BZW2: variants seen among roughly 807,000 people sequenced by gnomAD.
BZW2 encodes the protein basic leucine zipper and W2 domains 2.
BZW2 carries 23 observed loss-of-function variants against 53.2 expected under a neutral mutation model. The observed-to-expected ratio is 0.43, with a 90% CI of 0.31 to 0.61. The LOEUF is 0.61. Ranked by LOEUF, BZW2 falls within the 20% of genes least tolerant of loss-of-function variation. BZW2 has a pLI of 0.09. For synonymous variants in BZW2, 227 were observed against 186.4 expected (o/e 1.22, Z -1.77); for missense variants, 409 against 503.1 (o/e 0.81, Z 1.79).
intron 3 of BZW2, among the ~76,000 whole-genome samples, chr7:16,679,907 A>G (rs1437157398): frequency 6.6e-6 from 1 of 152,194 alleles, no homozygotes; most frequent in African/African-American, 2.4e-5. Flanking sequence ...CTTCTAATCA[A>G]CTAATGCTTC....
At chr7:16,677,715 A>G (rs567770597) in intron 3 of BZW2, among the ~76,000 whole-genome samples, 88 of 152,228 alleles carry the variant, frequency 5.8e-4, no homozygotes, top group African/African-American at 1.9e-3. Context: ...AGTGCAGGGG[A>G]TTATTTCTTT....
At chr7:16,656,249 T>C (rs1447623873) in intron 1 of BZW2, among the ~76,000 whole-genome samples, 2 of 152,088 alleles carry the variant, frequency 1.3e-5, no homozygotes, top group South Asian at 2.1e-4. Flanking sequence ...TCAACCTTTG[T>C]TTTGGAAAGA....
chr7:16,702,792 A>G (rs1783710134), intron 10 of BZW2, among the ~76,000 whole-genome samples: 1 of 152,188 alleles, frequency 6.6e-6, no homozygotes, highest in East Asian at 1.9e-4. Context: ...TGTTTGTCAC[A>G]GTTTAAAATT....
intron 3 of BZW2, among the ~76,000 whole-genome samples, chr7:16,677,923 G>A (rs1782816094): frequency 6.6e-6 from 1 of 151,972 alleles, no homozygotes; most frequent in Non-Finnish European, 1.5e-5. Flanking sequence ...AGAACATAGG[G>A]CCAAACGTTT....
intron 5 of BZW2, among the ~76,000 whole-genome samples, chr7:16,685,636 A>T (rs977973359): frequency 6.6e-6 from 1 of 152,056 alleles, no homozygotes; most frequent in Non-Finnish European, 1.5e-5. Flanking sequence ...ATATCATCCA[A>T]ATATCTCTTT....
chr7:16,660,036 C>G (rs706026), intron 1 of BZW2, among the ~76,000 whole-genome samples: 1 of 148,994 alleles, frequency 6.7e-6, no homozygotes, highest in African/African-American at 2.5e-5. Context: ...CCTGTGTCCA[C>G]GTGTTCTCAT....
chr7:16,646,186 T>C lies in BZW2; in HGVS notation c.-110T>C. On this transcript the variant is annotated 5_prime_UTR_variant, in exon 1 of 12. Transcript: ENST00000258761. Reference sequence around the variant, plus strand: ...TGTCAATGTGTCTGTCCTTCACTCCTCCATTGTCTGCCGCCACTGCTGCTG... The same window carrying C: ...TGTCAATGTGTCTGTCCTTCACTCCCCCATTGTCTGCCGCCACTGCTGCTG... 1 of 333,292 alleles carries C rather than the reference T, an allele frequency of 3.0e-6. No individual in the cohort carries two copies. 20.6% of individuals were successfully genotyped at this position (333,292 alleles called of 1,614,324 possible).
At chr7:16,671,487 C>T (rs1782597301) in intron 2 of BZW2, among the ~76,000 whole-genome samples, 1 of 152,134 alleles carries the variant, frequency 6.6e-6, no homozygotes, top group African/African-American at 2.4e-5. Flanking sequence ...CTTGAAATGT[C>T]CTTTCACCAT....
At chr7:16,667,798 C>A (rs749977141) in intron 2 of BZW2, among the ~76,000 whole-genome samples, 1 of 152,080 alleles carries the variant, frequency 6.6e-6, no homozygotes, top group Non-Finnish European at 1.5e-5. Flanking sequence ...CATTTCTGGC[C>A]TATCCGCATG....
chr7:16,684,305 A>C (rs10272712), intron 5 of BZW2, among the ~76,000 whole-genome samples: 30,589 of 152,140 alleles, frequency 0.2, 3,231 homozygotes, highest in East Asian at 0.38. Flanking sequence ...GGAGATGGAG[A>C]CTGTTGTAGG....
chr7:16,701,557 A>C (rs1295940315), intron 10 of BZW2, among the ~76,000 whole-genome samples: 1 of 152,174 alleles, frequency 6.6e-6, no homozygotes, highest in African/African-American at 2.4e-5. Context: ...GAATTTCAAG[A>C]GTTTCAAGTG....
rs4145343 is a variant in BZW2 at position 16,646,245 on chromosome 7, C to T, written c.-51C>T. 165,458 of 320,792 alleles carry T rather than the reference C, an allele frequency of 0.52. 43,674 individuals are homozygous for T. The highest frequency in any genetic ancestry group is 0.57 in the African/African-American group (25,731 of 44,882). The allele number at this position is 320,792 out of a possible 1,614,324, so 19.9% of individuals were successfully genotyped here. ...GCTGCCGCTGCTGCTGCACGAATCG[C>T]CGCAGCCCCCAGCCTTGCGCGTCGT... On this transcript the variant is annotated 5_prime_UTR_variant, in exon 1 of 12. Coordinates refer to ENST00000258761, the MANE Select transcript of BZW2 (RefSeq NM_014038.3).
At position 16,646,550 on chromosome 7, in the gene BZW2, C is replaced by G. The variant is rs1722185; in HGVS notation, c.-8+262C>G. ...GACCCTGGGACCGCGGGCGGGCGGG[C>G]GGGGGCCAGCCACGCGGTGGGAAGT... On this transcript the variant is annotated intron_variant, in intron 1 of 11. Coordinates refer to ENST00000258761, the MANE Select transcript of BZW2 (RefSeq NM_014038.3). 2.8e-5 allele frequency among the ~76,000 whole-genome samples: 4 copies of G among 142,308 alleles called. 1 individual carries two copies. Among genetic ancestry groups the G allele is most frequent in the South Asian group, 2.6e-4 (1 of 3,834 alleles). The allele number at this position is 142,308 out of a possible 152,430, so 93.4% of individuals were successfully genotyped here. A position where few individuals can be genotyped will look rare whatever the true frequency, so the allele number is the denominator to read the frequency against.
chr7:16,675,288 C>T (rs1177039720), intron 3 of BZW2, among the ~76,000 whole-genome samples: 1 of 152,180 alleles, frequency 6.6e-6, no homozygotes, highest in Non-Finnish European at 1.5e-5. Context: ...GGTCAAATTT[C>T]CTAGGCCAGG....
At chr7:16,703,258 T>C (rs1783728156) in intron 10 of BZW2, among the ~76,000 whole-genome samples, 1 of 152,204 alleles carries the variant, frequency 6.6e-6, no homozygotes, top group Non-Finnish European at 1.5e-5. Context: ...ACTTCTTGCT[T>C]CCTTTGCAAA....
intron 1 of BZW2, among the ~76,000 whole-genome samples, chr7:16,657,288 C>G (rs765882297): frequency 6.6e-6 from 1 of 152,108 alleles, no homozygotes; most frequent in Non-Finnish European, 1.5e-5. Context: ...CACCATTGGA[C>G]GTAAATGTAT....
intron 6 of BZW2, chr7:16,688,497 A>C (rs941576346): frequency 6.6e-6 from 1 of 152,230 alleles, no homozygotes; most frequent in African/African-American, 2.4e-5. Context: ...AGCTTAAGCG[A>C]GGTCACTAAA....
intron 5 of BZW2, 53 bp from the exon 6 acceptor site, chr7:16,685,852 T>C: frequency 3.4e-6 from 5 of 1,479,364 alleles, no homozygotes; most frequent in Non-Finnish European, 4.5e-6. Context: ...TAGACATGGT[T>C]CCTTTTTTTT....
At chr7:16,657,763 G>A (rs1026111022) in intron 1 of BZW2, among the ~76,000 whole-genome samples, 1 of 152,014 alleles carries the variant, frequency 6.6e-6, no homozygotes, top group Non-Finnish European at 1.5e-5. Context: ...GTTGCCACTG[G>A]TATGTTCAGA....
Sources: allele counts gnomAD v4.1 joint callset (sites outside exome capture counted in the v4.1 genomes callset), GRCh38; gene constraint gnomAD v4.1.1; transcripts MANE v1.5; gene names NCBI Gene and HGNC (gene_info 2026-07-23, HGNC 2026-07-21).